KCND2: variants seen among roughly 807,000 people sequenced by gnomAD.
The protein encoded by KCND2 is A-type voltage-gated potassium channel KCND2.
KCND2 carries 16 observed loss-of-function variants against 54.4 expected under a neutral mutation model. That is an observed-to-expected ratio of 0.29 (90% CI 0.20 to 0.45). The LOEUF is 0.45. KCND2 is among the 20% of genes least tolerant of loss of function. The pLI is 1.00. For missense variants in KCND2, 486 were observed against 824.2 expected, an observed-to-expected ratio of 0.59 and a Z score of 5.02; for synonymous variants, 317 against 310.7, an observed-to-expected ratio of 1.02 and a Z score of -0.21.
intron 1 of KCND2, among the ~76,000 whole-genome samples, chr7:120,507,868 G>A (rs939539841): frequency 6.6e-6 from 1 of 151,572 alleles, no homozygotes; most frequent in Non-Finnish European, 1.5e-5. Flanking sequence ...TATTTCCTAT[G>A]TTTAAGTTGA....
chr7:120,470,959 C>T (rs1320353704), intron 1 of KCND2, among the ~76,000 whole-genome samples: 1 of 151,870 alleles, frequency 6.6e-6, no homozygotes, highest in Non-Finnish European at 1.5e-5. Context: ...TTCCTTTTAA[C>T]TCAAGAAAAA....
intron 1 of KCND2, among the ~76,000 whole-genome samples, chr7:120,730,897 C>A (rs1233272871): frequency 6.6e-6 from 1 of 152,150 alleles, no homozygotes; most frequent in African/African-American, 2.4e-5. Flanking sequence ...TACAATATAA[C>A]CCCAAGTCCT....
chr7:120,366,615 A>T (rs1162605326), intron 1 of KCND2, among the ~76,000 whole-genome samples: 1 of 152,032 alleles, frequency 6.6e-6, no homozygotes, highest in Non-Finnish European at 1.5e-5. Flanking sequence ...AGTGGAATAG[A>T]TTCTCTATAT....
chr7:120,290,024 G>A (rs1022591535), intron 1 of KCND2, among the ~76,000 whole-genome samples: 1 of 151,948 alleles, frequency 6.6e-6, no homozygotes, highest in Non-Finnish European at 1.5e-5. Context: ...TCTATCTGGG[G>A]CCTTGTTGTG....
chr7:120,617,546 G>T (rs1377967879), intron 1 of KCND2, among the ~76,000 whole-genome samples: 4 of 152,212 alleles, frequency 2.6e-5, no homozygotes, highest in African/African-American at 7.2e-5. Context: ...TGGTGGGAAT[G>T]TAAATTAGTT....
chr7:120,474,748 G>A (rs1802509808), intron 1 of KCND2, among the ~76,000 whole-genome samples: 2 of 152,168 alleles, frequency 1.3e-5, no homozygotes, highest in East Asian at 1.9e-4. Flanking sequence ...ACCTCAGCAC[G>A]AATGCCCTCA....
intron 1 of KCND2, among the ~76,000 whole-genome samples, chr7:120,669,740 C>A (rs1584876722): frequency 6.6e-6 from 1 of 152,120 alleles, no homozygotes; most frequent in East Asian, 1.9e-4. Context: ...TGATAAGAGG[C>A]TGGGAGAAAA....
intron 1 of KCND2, among the ~76,000 whole-genome samples, chr7:120,606,712 TC>T (rs1792887138): frequency 6.6e-6 from 1 of 151,922 alleles, no homozygotes; most frequent in African/African-American, 2.4e-5. Flanking sequence ...TAATCCTATT[TC>T]ATTGATATGT....
chr7:120,436,818 G>A (rs372433492), intron 1 of KCND2, among the ~76,000 whole-genome samples: 3 of 152,126 alleles, frequency 2.0e-5, no homozygotes, highest in African/African-American at 7.2e-5. Context: ...TGCTTCTGCT[G>A]TACTGCTTCA....
intron 1 of KCND2, among the ~76,000 whole-genome samples, chr7:120,433,001 G>C (rs573815464): frequency 1.3e-5 from 2 of 152,082 alleles, no homozygotes; most frequent in Non-Finnish European, 2.9e-5. Context: ...TCTGGCTCCT[G>C]CTGCTGTCTC....
intron 1 of KCND2, among the ~76,000 whole-genome samples, chr7:120,727,546 A>G (rs1792749283): frequency 6.6e-6 from 1 of 152,200 alleles, no homozygotes; most frequent in African/African-American, 2.4e-5. Flanking sequence ...TTTAATAGCC[A>G]AAACTTAAAT....
intron 1 of KCND2, among the ~76,000 whole-genome samples, chr7:120,625,218 G>T (rs1793150846): frequency 6.6e-6 from 1 of 152,134 alleles, no homozygotes; most frequent in African/African-American, 2.4e-5. Context: ...ATGAAGTAGA[G>T]TAACTAATTG....
At chr7:120,296,122 T>C (rs562038015) in intron 1 of KCND2, among the ~76,000 whole-genome samples, 1 of 152,146 alleles carries the variant, frequency 6.6e-6, no homozygotes, top group East Asian at 1.9e-4. Flanking sequence ...TTGGCATATC[T>C]CTTTCTACTG....
intron 1 of KCND2, among the ~76,000 whole-genome samples, chr7:120,525,968 T>C (rs990221751): frequency 6.6e-6 from 1 of 152,092 alleles, no homozygotes; most frequent in Non-Finnish European, 1.5e-5. Context: ...GCATGTTTGG[T>C]TACTGTTCTC....
chr7:120,657,239 A>T (rs1262078942), intron 1 of KCND2, among the ~76,000 whole-genome samples: 1 of 152,188 alleles, frequency 6.6e-6, no homozygotes, highest in Non-Finnish European at 1.5e-5. Context: ...CAATAAACAA[A>T]CACCATTTTT....
Position 120,320,119 on chromosome 7 carries a change from C to T in KCND2, c.1115+44372C>T, listed in dbSNP as rs73722566. Reference sequence around the variant, plus strand: ...TTGGTACCACTTGTACAATAACAAACATTGAAAAAAATTTGAATTGGGAGT... The same window carrying T: ...TTGGTACCACTTGTACAATAACAAATATTGAAAAAAATTTGAATTGGGAGT... On this transcript the variant is annotated intron_variant, in intron 1 of 5. Transcript: ENST00000331113. Among the ~76,000 whole-genome samples the T allele has an allele frequency of 4.9e-3, 746 of 152,000 alleles. 10 individuals carry two copies. The highest frequency in any genetic ancestry group is 0.017 in the African/African-American group (709 of 41,494).
At chr7:120,536,607 G>A (rs760331359) in intron 1 of KCND2, among the ~76,000 whole-genome samples, 7 of 152,108 alleles carry the variant, frequency 4.6e-5, no homozygotes, top group Non-Finnish European at 8.8e-5. Context: ...AATATTCACA[G>A]TATCTTCACC....
At chr7:120,739,952 T>C (rs1792920565) in intron 2 of KCND2, among the ~76,000 whole-genome samples, 1 of 152,100 alleles carries the variant, frequency 6.6e-6, no homozygotes, top group South Asian at 2.1e-4. Context: ...TAAAAATTAA[T>C]TGGCAGTTGG....
At chr7:120,709,115 C>T (rs554429892) in intron 1 of KCND2, among the ~76,000 whole-genome samples, 6 of 152,002 alleles carry the variant, frequency 3.9e-5, no homozygotes, top group South Asian at 2.1e-4. Flanking sequence ...ACAATAAAAC[C>T]GTGAGCTCCT....
Sources: gnomAD v4.1 joint callset for allele counts (sites outside exome capture counted in the v4.1 genomes callset) on GRCh38, gnomAD v4.1.1 for gene constraint, MANE v1.5 for transcripts, NCBI Gene and HGNC (gene_info 2026-07-23, HGNC 2026-07-21) for gene names.